APBA1: variants seen among roughly 807,000 people sequenced by gnomAD.
The protein encoded by APBA1 is amyloid beta precursor protein binding family A member 1.
In APBA1, 55 loss-of-function variants were observed where a neutral mutation model predicts 86.6. That is an observed-to-expected ratio of 0.64 (90% CI 0.51 to 0.80). The LOEUF is 0.80. Ranked by LOEUF, APBA1 falls within the 30% of genes least tolerant of loss-of-function variation. The pLI, the probability that APBA1 is intolerant of heterozygous loss-of-function variation, is 0.00. For missense variants in APBA1, 1,090 were observed against 1,183.0 expected, an observed-to-expected ratio of 0.92 and a Z score of 1.15; for synonymous variants, 511 against 493.9, an observed-to-expected ratio of 1.03 and a Z score of -0.46.
chr9:69,572,253 C>T (rs145972842), intron 1 of APBA1, among the ~76,000 whole-genome samples: 1 of 152,142 alleles, frequency 6.6e-6, no homozygotes, highest in Non-Finnish European at 1.5e-5. Context: ...TGCCGTCCCC[C>T]CTGACAGGCC....
At chr9:69,666,649 T>C (rs1268708928) in intron 1 of APBA1, among the ~76,000 whole-genome samples, 1 of 152,078 alleles carries the variant, frequency 6.6e-6, no homozygotes, top group East Asian at 1.9e-4. Context: ...AAATCACCAC[T>C]CATTACAGTT....
rs891168384 is a variant in APBA1 at position 69,512,770 on chromosome 9, C to G, written c.1200+3241G>C. On this transcript the variant is annotated intron_variant, in intron 2 of 12. Transcript: ENST00000265381. The stretch of plus-strand genomic sequence containing the variant: ...AACAAAATAAAATAAAATGAAACAA[C>G]CAGATCACTGAGACCCACATCAGGT... Among the ~76,000 whole-genome samples the G allele has an allele frequency of 2.6e-5, 4 of 152,052 alleles. 1 individual carries two copies. Among genetic ancestry groups the G allele is most frequent in the Non-Finnish European group, 5.9e-5 (4 of 68,010 alleles).
chr9:69,607,629 C>T (rs1189155444), intron 1 of APBA1, among the ~76,000 whole-genome samples: 3 of 152,098 alleles, frequency 2.0e-5, no homozygotes, highest in Non-Finnish European at 4.4e-5. Flanking sequence ...TAAATAAAAC[C>T]ACATATTTTC....
rs1834591507 is a variant in APBA1, at chr9:69,431,406, T to C, written c.2443-8A>G. The stretch of plus-strand genomic sequence containing the variant: ...CATTGTCTTCATATGAATCTGAGGG[T>C]AAAGAACACACTTTAGTGGGGGGCT... On this transcript the variant is annotated splice_region_variant and splice_polypyrimidine_tract_variant and intron_variant, in intron 12 of 12. Coordinates refer to ENST00000265381, the MANE Select transcript of APBA1 (RefSeq NM_001163.4). 6.2e-7 allele frequency: 1 copy of C among 1,611,766 alleles called. No homozygotes were observed. The highest frequency in any genetic ancestry group is 2.2e-5 in the East Asian group (1 of 44,664).
At chr9:69,606,739 G>A (rs980278793) in intron 1 of APBA1, among the ~76,000 whole-genome samples, 2 of 152,034 alleles carry the variant, frequency 1.3e-5, no homozygotes, top group South Asian at 2.1e-4. Flanking sequence ...TGATGCGCAC[G>A]CCTCGGCCTC....
intron 10 of APBA1, among the ~76,000 whole-genome samples, chr9:69,445,477 G>A (rs1299835042): frequency 6.6e-6 from 1 of 152,086 alleles, no homozygotes; most frequent in Admixed American, 6.5e-5. Context: ...AAATCTGGTG[G>A]GAGGGGAAGC....
intron 1 of APBA1, among the ~76,000 whole-genome samples, chr9:69,613,455 G>A (rs1028531184): frequency 6.6e-6 from 1 of 151,926 alleles, no homozygotes. Context: ...AGCTTTTCAG[G>A]TTCTTGTCTC....
chr9:69,586,851 A>G (rs1022989060), intron 1 of APBA1, among the ~76,000 whole-genome samples: 4 of 152,238 alleles, frequency 2.6e-5, no homozygotes, highest in Non-Finnish European at 5.9e-5. Context: ...ACTAGAATGA[A>G]GCCACTTAGC....
At chr9:69,512,093 TAAAAAGAA>T (rs1836057460) in intron 2 of APBA1, among the ~76,000 whole-genome samples, 1 of 148,812 alleles carries the variant, frequency 6.7e-6, no homozygotes, top group African/African-American at 2.5e-5. Flanking sequence ...AATAAATAAA[TAAAAAGAA>T]AAAAAGAAAA....
chr9:69,618,458 G>A (rs1366957974), intron 1 of APBA1, among the ~76,000 whole-genome samples: 1 of 152,236 alleles, frequency 6.6e-6, no homozygotes. Flanking sequence ...AATATGGAAG[G>A]ATGCTAATGA....
intron 1 of APBA1, among the ~76,000 whole-genome samples, chr9:69,615,438 A>T (rs1186558895): frequency 6.6e-6 from 1 of 152,182 alleles, no homozygotes; most frequent in Non-Finnish European, 1.5e-5. Flanking sequence ...TTATACTACC[A>T]AGGCTTTGAC....
At chr9:69,439,579 G>A (rs187592268) in intron 11 of APBA1, among the ~76,000 whole-genome samples, 46 of 152,094 alleles carry the variant, frequency 3.0e-4, no homozygotes, top group African/African-American at 6.5e-4. Flanking sequence ...TGATCACATC[G>A]GTTACTGAGG....
intron 1 of APBA1, among the ~76,000 whole-genome samples, chr9:69,611,288 AAAAAAAAAAAAAAAAAC>A (rs1434802881): frequency 1.7e-5 from 2 of 116,146 alleles, no homozygotes; most frequent in African/African-American, 6.6e-5. Context: ...AGAAAAGGAA[AAAAAAAAAAAAAAAAAC>A]AAAAAAAAAA....
At chr9:69,607,493 A>T (rs1822500085) in intron 1 of APBA1, among the ~76,000 whole-genome samples, 2 of 152,160 alleles carry the variant, frequency 1.3e-5, no homozygotes, top group African/African-American at 4.8e-5. Context: ...ATCAAGCAGC[A>T]TCTACCATTA....
intron 8 of APBA1, among the ~76,000 whole-genome samples, chr9:69,454,157 G>C (rs536753319): frequency 6.6e-6 from 1 of 152,316 alleles, no homozygotes; most frequent in South Asian, 2.1e-4. Context: ...AGCAAAATGG[G>C]AACTTTCCGT....
chr9:69,562,726 A>G lies in APBA1; in HGVS notation c.-69-45447T>C, dbSNP rs7047005. ...TAAAGGTTAATTTAAGGATTAAAAAAAAGAAGAAGAAACCAACAATACATT... is the reference window on the plus strand; with the variant it reads ...TAAAGGTTAATTTAAGGATTAAAAAGAAGAAGAAGAAACCAACAATACATT... On this transcript the variant is annotated intron_variant, in intron 1 of 12. Transcript: ENST00000265381. Among the ~76,000 whole-genome samples, 160 of 152,334 alleles carry G rather than the reference A, an allele frequency of 1.1e-3. 1 individual carries two copies. The highest frequency in any genetic ancestry group is 3.8e-3 in the African/African-American group (158 of 41,590).
rs567128795 is a variant in APBA1, at chr9:69,535,390, A to G, written c.-69-18111T>C. Among the ~76,000 whole-genome samples the G allele has an allele frequency of 9.8e-5, 15 of 152,294 alleles. 1 individual carries two copies. The East Asian group carries it at 2.9e-3, about 29-fold the overall frequency. Reference sequence around the variant, plus strand: ...TAAGCCTGGTACTAACCTAACTCCTATCCCTTGGTAGTTTTTTCTCTCTGG... The same window carrying G: ...TAAGCCTGGTACTAACCTAACTCCTGTCCCTTGGTAGTTTTTTCTCTCTGG... On this transcript the variant is annotated intron_variant, in intron 1 of 12. Coordinates refer to ENST00000265381, the MANE Select transcript of APBA1 (RefSeq NM_001163.4).
chr9:69,452,469 G>A (rs1215430966), intron 8 of APBA1, among the ~76,000 whole-genome samples, 168 bp from the exon 9 acceptor site: 1 of 152,252 alleles, frequency 6.6e-6, no homozygotes, highest in Non-Finnish European at 1.5e-5. Flanking sequence ...CCCACCAGGG[G>A]CAATTTTCAG....
chr9:69,473,335 G>A (rs1019973268), intron 3 of APBA1, among the ~76,000 whole-genome samples: 1 of 152,182 alleles, frequency 6.6e-6, no homozygotes, highest in African/African-American at 2.4e-5. Context: ...ATGGTATGCA[G>A]ATGGAAGCTA....
Sources: gnomAD v4.1 joint callset for allele counts (sites outside exome capture counted in the v4.1 genomes callset) on GRCh38, gnomAD v4.1.1 for gene constraint, MANE v1.5 for transcripts, NCBI Gene and HGNC (gene_info 2026-07-23, HGNC 2026-07-21) for gene names.